MAF: variants seen among roughly 807,000 people sequenced by gnomAD.
MAF encodes the protein MAF bZIP transcription factor.
Under a neutral mutation model 22.0 loss-of-function variants are expected in MAF, and 10 were observed. The observed-to-expected ratio is 0.45, with a 90% CI of 0.28 to 0.77. The LOEUF (loss-of-function observed/expected upper bound fraction) is 0.77, where lower values mean the gene tolerates loss of function less well. Ranked by LOEUF, MAF falls within the 30% of genes least tolerant of loss-of-function variation. MAF has a pLI of 0.12. For synonymous variants in MAF, 337 were observed against 255.8 expected (o/e 1.32, Z -3.03); for missense variants, 544 against 548.4 (o/e 0.99, Z 0.08).
At chr16:79,411,521 C>G in the MAF span, among the ~76,000 whole-genome samples, 1 of 152,110 alleles carries the variant, frequency 6.6e-6, no homozygotes, top group Non-Finnish European at 1.5e-5. Flanking sequence ...AAGATGAGAG[C>G]CCTGCAGGGG....
At chr16:79,512,938 C>A in the MAF span, among the ~76,000 whole-genome samples, 8 of 152,314 alleles carry the variant, frequency 5.3e-5, no homozygotes, top group East Asian at 1.4e-3. Flanking sequence ...AGATGTCAAG[C>A]AGCGCGAGAG....
At chr16:79,483,870 T>C in the MAF span, among the ~76,000 whole-genome samples, 4 of 152,300 alleles carry the variant, frequency 2.6e-5, no homozygotes, top group East Asian at 7.7e-4. Context: ...CAGAGTGATA[T>C]GGTCATCTTC....
the MAF span, among the ~76,000 whole-genome samples, chr16:79,542,586 C>A: frequency 6.6e-5 from 10 of 152,310 alleles, no homozygotes; most frequent in South Asian, 1.2e-3. Context: ...CCCCTCCAAT[C>A]AGAGGTCTCC....
chr16:79,531,747 G>A, the MAF span, among the ~76,000 whole-genome samples: 6 of 152,134 alleles, frequency 3.9e-5, no homozygotes, highest in African/African-American at 9.7e-5. Context: ...AAACACAGAC[G>A]AAGCTTCACC....
At chr16:79,430,887 G>C in the MAF span, among the ~76,000 whole-genome samples, 1 of 152,186 alleles carries the variant, frequency 6.6e-6, no homozygotes, top group Non-Finnish European at 1.5e-5. Flanking sequence ...GAAAGTAAAT[G>C]ACACTTTGCA....
chr16:79,375,618 T>A, the MAF span, among the ~76,000 whole-genome samples: 9,111 of 152,066 alleles, frequency 0.06, 364 homozygotes, highest in East Asian at 0.16. Flanking sequence ...ATGATGAAGG[T>A]GATGATGACA....
downstream of MAF, among the ~76,000 whole-genome samples, chr16:79,581,338 G>C (rs1912503507): frequency 6.6e-6 from 1 of 152,116 alleles, no homozygotes; most frequent in South Asian, 2.1e-4. Context: ...CAGCAGTATA[G>C]ACTCAGCCCT....
the MAF span, among the ~76,000 whole-genome samples, chr16:79,361,079 C>A: frequency 3.3e-5 from 5 of 152,146 alleles, no homozygotes; most frequent in Non-Finnish European, 1.5e-5. Flanking sequence ...AAAGAAAGGC[C>A]CAAATCACAC....
the MAF span, among the ~76,000 whole-genome samples, chr16:79,250,013 A>T: frequency 6.6e-6 from 1 of 152,240 alleles, no homozygotes; most frequent in East Asian, 1.9e-4. Context: ...GGCCTCCTAC[A>T]TTAACTGAAT....
At chr16:79,392,668 G>A in the MAF span, among the ~76,000 whole-genome samples, 1 of 152,170 alleles carries the variant, frequency 6.6e-6, no homozygotes, top group African/African-American at 2.4e-5. Flanking sequence ...CGAGGATTCA[G>A]ATTTGTTAGG....
chr16:79,295,309 C>G, the MAF span, among the ~76,000 whole-genome samples: 4 of 152,106 alleles, frequency 2.6e-5, no homozygotes, highest in Non-Finnish European at 4.4e-5. Flanking sequence ...ATTCGTGAAT[C>G]GGGCGGCCTT....
the MAF span, among the ~76,000 whole-genome samples, chr16:79,500,384 T>G: frequency 9.1e-3 from 1,393 of 152,316 alleles, 7 homozygotes; most frequent in Non-Finnish European, 0.014. Flanking sequence ...CAAACCTCTG[T>G]CTGCACAACA....
At chr16:79,310,369 T>TAAGAGAGAG in the MAF span, among the ~76,000 whole-genome samples, 35 of 151,292 alleles carry the variant, frequency 2.3e-4, no homozygotes, top group African/African-American at 4.4e-4. Context: ...GAGAGAGAGA[T>TAAGAGAGAG]AGAGACAGAG....
the MAF span, among the ~76,000 whole-genome samples, chr16:79,301,034 A>C: frequency 6.6e-6 from 1 of 152,152 alleles, no homozygotes; most frequent in East Asian, 1.9e-4. Flanking sequence ...CAGGCACAAA[A>C]TAGGTCCCCT....
the MAF span, among the ~76,000 whole-genome samples, chr16:79,502,720 T>TATAAATATAA: frequency 1.5e-3 from 36 of 23,604 alleles, no homozygotes; most frequent in Non-Finnish European, 2.4e-3. Flanking sequence ...TATATATATA[T>TATAAATATAA]ATATATATAT....
chr16:79,598,572 AGGGTGTG>A, intron 1 of MAF: 3 of 1,379,128 alleles, frequency 2.2e-6, no homozygotes. Flanking sequence ...AAACTCGAGC[AGGGTGTG>A]GGGTGTGTGT....
chr16:79,329,878 A>T, the MAF span, among the ~76,000 whole-genome samples: 1 of 152,162 alleles, frequency 6.6e-6, no homozygotes, highest in Non-Finnish European at 1.5e-5. Context: ...CACTTCCTAC[A>T]TGGAAATGTT....
the MAF span, among the ~76,000 whole-genome samples, chr16:79,410,481 C>G: frequency 3.9e-5 from 6 of 152,194 alleles, no homozygotes; most frequent in Non-Finnish European, 8.8e-5. Context: ...TTCAATTCAC[C>G]TATGTGGTCC....
chr16:79,203,878 C>G, the MAF span: 2 of 152,092 alleles, frequency 1.3e-5, no homozygotes, highest in East Asian at 3.9e-4. Context: ...CTAGCTATAA[C>G]CATAACAGAG....
Sources: gnomAD v4.1 joint callset for allele counts (sites outside exome capture counted in the v4.1 genomes callset) on GRCh38, gnomAD v4.1.1 for gene constraint, MANE v1.5 for transcripts, NCBI Gene and HGNC (gene_info 2026-07-23, HGNC 2026-07-21) for gene names.